COPS7B: variants seen among roughly 807,000 people sequenced by gnomAD.
The protein encoded by COPS7B is COP9 signalosome subunit 7B.
Under a neutral mutation model 33.4 loss-of-function variants are expected in COPS7B, and 9 were observed. That is an observed-to-expected ratio of 0.27 (90% CI 0.16 to 0.47). The LOEUF (loss-of-function observed/expected upper bound fraction) is 0.47, where lower values mean the gene tolerates loss of function less well. COPS7B is among the 20% of genes least tolerant of loss of function. The pLI is 0.99. For missense variants in COPS7B, 242 were observed against 318.2 expected (o/e 0.76, Z 1.82); for synonymous variants, 119 against 126.3 (o/e 0.94, Z 0.39).
chr2:231,792,311 GT>G (rs1160404023), intron 3 of COPS7B: 2 of 287,680 alleles, frequency 7.0e-6, no homozygotes, highest in African/African-American at 4.5e-5. Context: ...GGCCAACATG[GT>G]GAAACCCTGT....
chr2:231,802,153 A>G (rs2049768921), intron 6 of COPS7B, among the ~76,000 whole-genome samples: 1 of 152,186 alleles, frequency 6.6e-6, no homozygotes, highest in Non-Finnish European at 1.5e-5. Flanking sequence ...TACATTTACA[A>G]AGTAGGCTGT....
At chr2:231,807,315 C>T (rs998664495) in intron 6 of COPS7B, among the ~76,000 whole-genome samples, 172 bp from the exon 7 acceptor site, 11 of 152,182 alleles carry the variant, frequency 7.2e-5, no homozygotes, top group Admixed American at 5.9e-4. Context: ...CTCATTTCCA[C>T]AAATCTGCTG....
intron 3 of COPS7B, chr2:231,792,113 C>G (rs1369564008): frequency 5.2e-6 from 3 of 571,678 alleles, no homozygotes; most frequent in South Asian, 4.6e-5. Flanking sequence ...GTGCAGAATA[C>G]CCACCTGTAG....
chr2:231,792,692 A>C (rs1266030459), intron 3 of COPS7B, among the ~76,000 whole-genome samples: 1 of 152,116 alleles, frequency 6.6e-6, no homozygotes. Context: ...TTCATAATCT[A>C]CTTAGCTCAT....
chr2:231,787,911 C>T (rs2049297383), intron 1 of COPS7B, among the ~76,000 whole-genome samples: 1 of 152,066 alleles, frequency 6.6e-6, no homozygotes, highest in Non-Finnish European at 1.5e-5. Flanking sequence ...AATGTATAAA[C>T]GAGGTGGATA....
chr2:231,788,590 C>A lies in COPS7B; in HGVS notation c.20C>A (p.Pro7His), dbSNP rs760386427. 1 of 1,613,696 alleles carries A rather than the reference C, an allele frequency of 6.2e-7. No homozygotes were observed. Among genetic ancestry groups the A allele is most frequent in the Non-Finnish European group, 8.5e-7 (1 of 1,179,972 alleles). The change falls in exon 2 of 7, where the codon CCC becomes CAC. Residue 7 changes from proline (P) to histidine (H), a missense_variant. Transcript: ENST00000350033. MAGEQK[P>H]SSNLLEQFIL... ...CAGAGAATGGCAGGGGAACAGAAAC[C>A]CTCAAGTAATCTCCTGGAGCAGTTT... is the stretch of plus-strand genomic sequence containing the variant.
At chr2:231,792,284 G>T in intron 3 of COPS7B, 1 of 326,860 alleles carries the variant, frequency 3.1e-6, no homozygotes. Flanking sequence ...TTGAGGTGAG[G>T]AGTTTTACAC....
intron 6 of COPS7B, among the ~76,000 whole-genome samples, chr2:231,800,230 G>C (rs1559370471): frequency 6.6e-6 from 1 of 152,182 alleles, no homozygotes; most frequent in Non-Finnish European, 1.5e-5. Context: ...AGGAGTTCGA[G>C]ACCAGCCTGG....
chr2:231,797,113 C>G (rs768088308), intron 5 of COPS7B, among the ~76,000 whole-genome samples: 1 of 152,180 alleles, frequency 6.6e-6, no homozygotes, highest in Non-Finnish European at 1.5e-5. Flanking sequence ...CCCAGGCAGG[C>G]ACGTGGCATG....
intron 2 of COPS7B, chr2:231,791,521 TGAGA>T (rs1249385483): frequency 3.5e-6 from 2 of 566,018 alleles, no homozygotes; most frequent in Non-Finnish European, 6.3e-6. Flanking sequence ...AAAACATTCC[TGAGA>T]GAGAGAAATT....
Position 231,808,668 on chromosome 2 carries a change from A to ATTTT in COPS7B, c.*1033_*1036dup. On this transcript the variant is annotated 3_prime_UTR_variant, in exon 7 of 7. Transcript: ENST00000350033. ...TTGAACAGTTTCAGGTTATATTTTA[A>ATTTT]TTTTTTTTTTTTTGTACAGGTTCTG... 3.8e-6 allele frequency: 1 copy of ATTTT among 260,488 alleles called. No individual in the cohort carries two copies. The highest frequency in any genetic ancestry group is 1.4e-4 in the East Asian group (1 of 6,900). The allele number at this position is 260,488 out of a possible 1,614,324, so 16.1% of individuals were successfully genotyped here.
At chr2:231,781,915 A>G (rs1228927009), upstream of COPS7B, 2 of 1,543,412 alleles carry the variant, frequency 1.3e-6, no homozygotes, top group South Asian at 2.4e-5. Context: ...AAAAACACTG[A>G]TTAAACCGTG....
At chr2:231,788,449 TCAACA>T in intron 1 of COPS7B, 101 bp from the exon 2 acceptor site, 1 of 1,095,632 alleles carries the variant, frequency 9.1e-7, no homozygotes, top group South Asian at 1.6e-5. Flanking sequence ...TTTTTCTTTA[TCAACA>T]CTATAAAAGT....
chr2:231,800,445 A>G (rs1329706320), intron 6 of COPS7B, among the ~76,000 whole-genome samples: 1 of 152,224 alleles, frequency 6.6e-6, no homozygotes, highest in Non-Finnish European at 1.5e-5. Flanking sequence ...CAAACTCTGT[A>G]CAAAATGAGG....
At chr2:231,787,872 A>G (rs1574652230) in intron 1 of COPS7B, among the ~76,000 whole-genome samples, 1 of 152,248 alleles carries the variant, frequency 6.6e-6, no homozygotes, top group African/African-American at 2.4e-5. Context: ...GCCTCTGTGT[A>G]TAGGCAGTAT....
chr2:231,793,347 G>C (rs1251300349), intron 3 of COPS7B, among the ~76,000 whole-genome samples: 2 of 152,218 alleles, frequency 1.3e-5, no homozygotes, highest in Non-Finnish European at 2.9e-5. Context: ...GTGAATTTCA[G>C]CACCATGCTT....
chr2:231,783,235 G>GTA (rs565816852), upstream of COPS7B, among the ~76,000 whole-genome samples: 16 of 152,212 alleles, frequency 1.1e-4, no homozygotes, highest in Non-Finnish European at 2.1e-4. Flanking sequence ...TAGCAAAGCC[G>GTA]TAGTGAGCAT....
chr2:231,781,696 C>T, upstream of COPS7B: 1 of 731,056 alleles, frequency 1.4e-6, no homozygotes, highest in Non-Finnish European at 2.3e-6. Context: ...CACTCGGTTC[C>T]TCTGTAACTT....
chr2:231,781,960 G>T, upstream of COPS7B: 7 of 1,446,494 alleles, frequency 4.8e-6, no homozygotes, highest in Non-Finnish European at 6.6e-6. Flanking sequence ...AATCGTGCTT[G>T]TTTGTTGGTC....
Sources: allele counts gnomAD v4.1 joint callset (sites outside exome capture counted in the v4.1 genomes callset), GRCh38; gene constraint gnomAD v4.1.1; transcripts MANE v1.5; gene names NCBI Gene and HGNC (gene_info 2026-07-23, HGNC 2026-07-21).